CLRN1: variants seen among roughly 807,000 people sequenced by gnomAD.
CLRN1 encodes the protein clarin 1, also known as clarin-1.
In CLRN1, 15 loss-of-function variants were observed where a neutral mutation model predicts 18.7. The ratio of observed to expected loss-of-function variants is 0.80; its 90% CI spans 0.54 to 1.23. CLRN1 has a LOEUF of 1.23. Among genes scored for constraint, CLRN1 ranks in the 50% most tolerant of loss-of-function variants. CLRN1 has a pLI of 0.00. For synonymous variants in CLRN1, 104 were observed against 102.9 expected, an observed-to-expected ratio of 1.01 and a Z score of -0.07; for missense variants, 311 against 277.5, an observed-to-expected ratio of 1.12 and a Z score of -0.86.
rs147221196 is a variant in CLRN1, at chr3:150,959,603, T to C, written c.253+12853A>G. ...GAGATCACATCACTACCCTCCAGCC[T>C]GGACGACACAGCGAGACTTTGTCTC... On this transcript the variant is annotated intron_variant, in intron 1 of 2. Coordinates refer to ENST00000327047, the MANE Select transcript of CLRN1 (RefSeq NM_174878.3). 9.5e-3 allele frequency among the ~76,000 whole-genome samples: 1,345 copies of C among 142,040 alleles called. 22 individuals are homozygous for C. The highest frequency in any genetic ancestry group is 0.034 in the African/African-American group (1,268 of 37,544). The allele number at this position is 142,040 out of a possible 152,430, so 93.2% of individuals were successfully genotyped here. A position where few individuals can be genotyped will look rare whatever the true frequency, so the allele number is the denominator to read the frequency against.
At chr3:150,966,382 C>T (rs563716426) in intron 1 of CLRN1, among the ~76,000 whole-genome samples, 158 of 152,262 alleles carry the variant, frequency 1.0e-3, no homozygotes, top group African/African-American at 3.6e-3. Flanking sequence ...TTGCCATTAT[C>T]AGTTTAAGAA....
intron 1 of CLRN1, among the ~76,000 whole-genome samples, chr3:150,968,484 T>C (rs769455157): frequency 6.6e-6 from 1 of 152,038 alleles, no homozygotes; most frequent in Non-Finnish European, 1.5e-5. Flanking sequence ...TCAGCCAGAG[T>C]AAATGAGGCA....
intron 2 of CLRN1, among the ~76,000 whole-genome samples, chr3:150,936,887 C>G (rs1002076695): frequency 6.6e-6 from 1 of 152,092 alleles, no homozygotes; most frequent in Non-Finnish European, 1.5e-5. Flanking sequence ...AGTGTGCTTT[C>G]TCTTCTACTT....
intron 2 of CLRN1, among the ~76,000 whole-genome samples, chr3:150,929,194 C>A (rs189270892): frequency 6.6e-6 from 1 of 152,296 alleles, no homozygotes; most frequent in Admixed American, 6.5e-5. Flanking sequence ...CTAATTTTAA[C>A]AGATGTAGCT....
At chr3:150,972,317 G>A in intron 1 of CLRN1, 139 bp downstream of exon 1, 1 of 1,026,356 alleles carries the variant, frequency 9.7e-7, no homozygotes, top group Admixed American at 2.4e-5. Context: ...ATTGCTCAGA[G>A]TCATAGGTTT....
chr3:150,951,667 G>A (rs1248621038), intron 1 of CLRN1, among the ~76,000 whole-genome samples: 5 of 152,144 alleles, frequency 3.3e-5, no homozygotes, highest in African/African-American at 1.2e-4. Context: ...AAGAGATGAG[G>A]TTTAATTGGC....
chr3:150,962,663 G>C (rs757888400), intron 1 of CLRN1, among the ~76,000 whole-genome samples: 3 of 152,186 alleles, frequency 2.0e-5, no homozygotes, highest in Non-Finnish European at 4.4e-5. Flanking sequence ...TGTGGTCAAA[G>C]TAGCTAACTT....
chr3:150,930,137 T>C (rs1713061086), intron 2 of CLRN1, among the ~76,000 whole-genome samples: 1 of 152,140 alleles, frequency 6.6e-6, no homozygotes, highest in Admixed American at 6.5e-5. Flanking sequence ...GTGCATGTAA[T>C]CAAGGGATAG....
chr3:150,956,780 C>A (rs1309903835), intron 1 of CLRN1, among the ~76,000 whole-genome samples: 1 of 152,136 alleles, frequency 6.6e-6, no homozygotes, highest in Non-Finnish European at 1.5e-5. Context: ...TCTGTGGGCC[C>A]ACATTCTGCA....
intron 2 of CLRN1, among the ~76,000 whole-genome samples, chr3:150,930,847 G>A (rs1363125313): frequency 6.6e-6 from 1 of 152,192 alleles, no homozygotes. Context: ...CAGCATTACA[G>A]CAAGGCTGTA....
chr3:150,950,005 C>A (rs1714399797), intron 1 of CLRN1, among the ~76,000 whole-genome samples: 1 of 152,068 alleles, frequency 6.6e-6, no homozygotes. Flanking sequence ...CAAAATAAGG[C>A]CACACACCTA....
Position 150,972,647 on chromosome 3 carries a change from G to C in CLRN1, c.62C>G (p.Ala21Gly). Residue 21 changes from alanine to glycine, a missense_variant, in exon 1 of 3, where the codon GCC becomes GGC. Physicochemically the swap from Ala to Gly is moderately conservative, Grantham distance 60. Transcript: ENST00000327047. ...CMAGVFSFAC[A>G]LGVVTALGTP... ...CCCCAAGGCTGTCACAACTCCGAGG[G>C]CACATGCAAAACTGAACACTCCGGC... The C allele has an allele frequency of 6.2e-7, 1 of 1,614,176 alleles. No individual in the cohort carries two copies. The highest frequency in any genetic ancestry group is 8.5e-7 in the Non-Finnish European group (1 of 1,180,030).
chr3:150,968,081 T>G lies in CLRN1; in HGVS notation c.253+4375A>C, dbSNP rs974069366. Among the ~76,000 whole-genome samples the G allele has an allele frequency of 2.0e-5, 3 of 152,250 alleles. No individual in the cohort carries two copies. In the East Asian group the frequency reaches 5.8e-4, roughly 29 times the overall value. ...ATACATGATTGGTTAAATTTTATTT[T>G]TCACATTTTAAGAAAATAATTCCAT... On this transcript the variant is annotated intron_variant, in intron 1 of 2. Transcript: ENST00000327047.
Position 150,926,903 on chromosome 3 carries a change from G to T in CLRN1, c.*1033C>A. ...GATCAATTTGATGGGTAATTCAGGGGAAAAAAAAAGTTGACCTGGGTCATG... is the reference window on the plus strand; with the variant it reads ...GATCAATTTGATGGGTAATTCAGGGTAAAAAAAAAGTTGACCTGGGTCATG... On this transcript the variant is annotated 3_prime_UTR_variant, in exon 3 of 3. Coordinates refer to ENST00000327047, the MANE Select transcript of CLRN1 (RefSeq NM_174878.3). 6.2e-7 allele frequency: 1 copy of T among 1,605,984 alleles called. No individual in the cohort carries two copies. The highest frequency in any genetic ancestry group is 8.5e-7 in the Non-Finnish European group (1 of 1,174,676).
chr3:150,957,848 G>A (rs971252116), intron 1 of CLRN1, among the ~76,000 whole-genome samples: 2 of 151,916 alleles, frequency 1.3e-5, no homozygotes, highest in Non-Finnish European at 2.9e-5. Context: ...TAGTAGAGAC[G>A]GGGTTTCACC....
downstream of CLRN1, chr3:150,926,233 G>A (rs908845577): frequency 1.3e-5 from 2 of 157,014 alleles, no homozygotes; most frequent in African/African-American, 4.8e-5. Flanking sequence ...CTCTTTCTAC[G>A]GAACAGAGAA....
chr3:150,961,837 T>C (rs1285475899), intron 1 of CLRN1, among the ~76,000 whole-genome samples: 1 of 152,126 alleles, frequency 6.6e-6, no homozygotes, highest in Admixed American at 6.6e-5. Flanking sequence ...AATGCATTCA[T>C]CTCCTTTAAT....
At chr3:150,971,873 T>C (rs1715554060) in intron 1 of CLRN1, among the ~76,000 whole-genome samples, 1 of 152,226 alleles carries the variant, frequency 6.6e-6, no homozygotes, top group Non-Finnish European at 1.5e-5. Context: ...GTTTAAAATG[T>C]TCTATACTAA....
chr3:150,956,812 T>G (rs1714757105), intron 1 of CLRN1, among the ~76,000 whole-genome samples: 1 of 152,188 alleles, frequency 6.6e-6, no homozygotes. Context: ...AGTTTTTTCC[T>G]CTCTGTCCCT....
Sources: gnomAD v4.1 joint callset for allele counts (sites outside exome capture counted in the v4.1 genomes callset) on GRCh38, gnomAD v4.1.1 for gene constraint, MANE v1.5 for transcripts, NCBI Gene and HGNC (gene_info 2026-07-23, HGNC 2026-07-21) for gene names.